The following TMEM131L variants were observed in gnomAD, a reference collection of about 807,000 sequenced individuals.
TMEM131L encodes the protein transmembrane 131 like, also known as transmembrane protein 131-like.
A neutral mutation model predicts 192.2 loss-of-function variants in TMEM131L; 54 were observed. That is an observed-to-expected ratio of 0.28 (90% confidence interval 0.23 to 0.35). The LOEUF (loss-of-function observed/expected upper bound fraction) is 0.35, where lower values mean the gene tolerates loss of function less well. TMEM131L is among the 10% of genes least tolerant of loss of function. TMEM131L has a pLI of 1.00. For synonymous variants in TMEM131L, 701 were observed against 704.9 expected, an observed-to-expected ratio of 0.99 and a Z score of 0.09; for missense variants, 1,888 against 1,972.9, an observed-to-expected ratio of 0.96 and a Z score of 0.82.
chr4:153,511,678 T>C (rs1250975761), intron 3 of TMEM131L, among the ~76,000 whole-genome samples: 1 of 152,190 alleles, frequency 6.6e-6, no homozygotes, highest in East Asian at 1.9e-4. Flanking sequence ...TATATATGTA[T>C]ATGAACACAT....
At chr4:153,574,307 A>C (rs1645033531) in intron 7 of TMEM131L, among the ~76,000 whole-genome samples, 1 of 147,218 alleles carries the variant, frequency 6.8e-6, no homozygotes, top group South Asian at 2.1e-4. Flanking sequence ...CTGAGGAATA[A>C]AAGGGTAGTG....
chr4:153,609,309 C>T lies in TMEM131L; in HGVS notation c.3419-2943C>T, dbSNP rs558186429. 3.3e-5 allele frequency among the ~76,000 whole-genome samples: 5 copies of T among 152,252 alleles called. No individual in the cohort carries two copies. In the South Asian group the frequency reaches 6.2e-4, roughly 19 times the overall value. On this transcript the variant is annotated intron_variant, in intron 25 of 34. Transcript: ENST00000409959. ...AGAGAGAGTGAAGGGGGAAGTGCTA[C>T]ACACTTTTAAACAACTAAATCTCGT... is the stretch of plus-strand genomic sequence containing the variant.
chr4:153,600,236 A>G (rs1251209658), intron 21 of TMEM131L, among the ~76,000 whole-genome samples: 1 of 151,838 alleles, frequency 6.6e-6, no homozygotes, highest in Non-Finnish European at 1.5e-5. Context: ...GCATGGTGGC[A>G]GATGCCTGTA....
Position 153,636,441 on chromosome 4 carries a change from G to A in TMEM131L, c.4698G>A (p.Ala1566=), listed in dbSNP as rs773630983. 35 of 1,614,146 alleles carry A rather than the reference G, an allele frequency of 2.2e-5. No individual in the cohort carries two copies. The highest frequency in any genetic ancestry group is 5.0e-5 in the Admixed American group (3 of 60,026). Residue 1566 remains alanine, a synonymous_variant, in exon 35 of 35, where the codon GCG becomes GCA. Transcript: ENST00000409959. ...ATTCGACCCACATGGAAAACCAAGCGGTCGTGTGCAAGGAATACTACCCGG... is the reference window on the plus strand; with the variant it reads ...ATTCGACCCACATGGAAAACCAAGCAGTCGTGTGCAAGGAATACTACCCGG... ...TEHSTHMENQ[A]VVCKEYYPGF...
chr4:153,578,991 T>A (rs1196591085), intron 7 of TMEM131L, among the ~76,000 whole-genome samples: 5 of 152,184 alleles, frequency 3.3e-5, no homozygotes, highest in Non-Finnish European at 5.9e-5. Flanking sequence ...AGATAAATTT[T>A]AAAAATTAAA....
In TMEM131L at chr4:153,583,524, C is replaced by G. The variant is rs201647921; in HGVS notation, c.952-40C>G. On this transcript the variant is annotated intron_variant, in intron 10 of 34. Coordinates refer to ENST00000409959, the MANE Select transcript of TMEM131L (RefSeq NM_001131007.2). ...CATTCAAACTGGATAAATACTCTCC[C>G]AGCTGAGAGTAGTCACATGGGACTT... 676 of 1,290,944 alleles carry G rather than the reference C, an allele frequency of 5.2e-4. 5 individuals are homozygous for G. Among genetic ancestry groups the G allele is most frequent in the Non-Finnish European group, 4.3e-5 (38 of 887,820 alleles). The allele number at this position is 1,290,944 out of a possible 1,614,324, so 80.0% of individuals were successfully genotyped here. A position where few individuals can be genotyped will look rare whatever the true frequency, so the allele number is the denominator to read the frequency against.
chr4:153,505,762 A>T (rs1733944638), intron 3 of TMEM131L, among the ~76,000 whole-genome samples: 1 of 152,204 alleles, frequency 6.6e-6, no homozygotes, highest in African/African-American at 2.4e-5. Flanking sequence ...AAATCATACA[A>T]ATTCAGAAAA....
At chr4:153,598,443 A>G (rs1276143004) in intron 20 of TMEM131L, 147 bp from the exon 21 acceptor site, 15 of 709,060 alleles carry the variant, frequency 2.1e-5, no homozygotes, top group Non-Finnish European at 2.3e-6. Context: ...ATGGAAGAAG[A>G]TACCACACTA....
intron 7 of TMEM131L, among the ~76,000 whole-genome samples, chr4:153,574,195 T>A (rs1729780460): frequency 6.6e-6 from 1 of 152,238 alleles, no homozygotes; most frequent in African/African-American, 2.4e-5. Flanking sequence ...TAGCCTCTTT[T>A]TTCCTCAAAG....
At chr4:153,611,743 C>A (rs1732630189) in intron 25 of TMEM131L, among the ~76,000 whole-genome samples, 2 of 152,198 alleles carry the variant, frequency 1.3e-5, no homozygotes, top group South Asian at 4.1e-4. Flanking sequence ...CCTTTCATAT[C>A]TGGCTAAGTT....
At chr4:153,509,784 A>G (rs1479348615) in intron 3 of TMEM131L, among the ~76,000 whole-genome samples, 1 of 152,208 alleles carries the variant, frequency 6.6e-6, no homozygotes, top group Non-Finnish European at 1.5e-5. Flanking sequence ...CCTGACCCAC[A>G]CTTTAGAATC....
rs769978627 is a variant in TMEM131L at position 153,603,932 on chromosome 4, C to T, written c.2920C>T (p.His974Tyr). 3.1e-6 allele frequency: 5 copies of T among 1,614,018 alleles called. No individual in the cohort carries two copies. Among genetic ancestry groups the T allele is most frequent in the Non-Finnish European group, 4.2e-6 (5 of 1,179,960 alleles). Residue 974 changes from histidine (H) to tyrosine (Y), a missense_variant, in exon 25 of 35, where the codon CAT becomes TAT. Transcript: ENST00000409959. ...AAAGAGGAGCCCAGCCACCTATGGTCATTCTCAGAAGAAGCACAAATGCTC... is the reference window on the plus strand; with the variant it reads ...AAAGAGGAGCCCAGCCACCTATGGTTATTCTCAGAAGAAGCACAAATGCTC... ...AAKRSPATYG[H>Y]SQKKHKCSVY...
chr4:153,527,590 C>A (rs576841291), intron 3 of TMEM131L, among the ~76,000 whole-genome samples: 1 of 152,218 alleles, frequency 6.6e-6, no homozygotes, highest in Non-Finnish European at 1.5e-5. Flanking sequence ...AGTTTCTTCT[C>A]GTCTTTTTTA....
At chr4:153,576,073 C>T (rs2150676866) in intron 7 of TMEM131L, among the ~76,000 whole-genome samples, 1 of 152,126 alleles carries the variant, frequency 6.6e-6, no homozygotes, top group Admixed American at 6.5e-5. Flanking sequence ...CATTCTCCTG[C>T]CTCAGCCTCC....
chr4:153,624,233 C>G (rs1578892095), intron 29 of TMEM131L, among the ~76,000 whole-genome samples: 2 of 152,046 alleles, frequency 1.3e-5, no homozygotes, highest in South Asian at 4.1e-4. Flanking sequence ...ATTCTTGTGC[C>G]TCAGCCTCCC....
rs77368994 is a variant in TMEM131L at position 153,538,749 on chromosome 4, T to A, written c.240-11324T>A. Among the ~76,000 whole-genome samples, 877 of 152,320 alleles carry A rather than the reference T, an allele frequency of 5.8e-3. 9 individuals are homozygous for A. Among genetic ancestry groups the A allele is most frequent in the African/African-American group, 0.02 (831 of 41,568 alleles). On this transcript the variant is annotated intron_variant, in intron 3 of 34. Coordinates refer to ENST00000409959, the MANE Select transcript of TMEM131L (RefSeq NM_001131007.2). ...GTTCCAGTTAGAATTAAAGCTTACA[T>A]CTTAAGAGAGTGTTTTCTCTCTCCT...
At chr4:153,550,256 A>G (rs747708758) in intron 4 of TMEM131L, 115 bp downstream of exon 4, 2 of 479,362 alleles carry the variant, frequency 4.2e-6, no homozygotes, top group African/African-American at 2.0e-5. Flanking sequence ...ATATGAAGGG[A>G]TATTGATCCT....
At chr4:153,506,610 A>T in intron 3 of TMEM131L, among the ~76,000 whole-genome samples, 1 of 152,132 alleles carries the variant, frequency 6.6e-6, no homozygotes, top group Non-Finnish European at 1.5e-5. Context: ...TGAGAGGCCA[A>T]GGGGGGGACT....
At chr4:153,588,199 T>G (rs1730828060) in intron 15 of TMEM131L, among the ~76,000 whole-genome samples, 1 of 151,916 alleles carries the variant, frequency 6.6e-6, no homozygotes, top group African/African-American at 2.4e-5. Flanking sequence ...TGTAAACATC[T>G]TGCAGATGGT....
Sources: gnomAD v4.1 joint callset for allele counts (sites outside exome capture counted in the v4.1 genomes callset) on GRCh38, gnomAD v4.1.1 for gene constraint, MANE v1.5 for transcripts, NCBI Gene and HGNC (gene_info 2026-07-23, HGNC 2026-07-21) for gene names.